Variants in NF1 observed in about 807,000 individuals in gnomAD.
NF1 encodes the protein neurofibromin.
Under a neutral mutation model 325.7 loss-of-function variants are expected in NF1, and 122 were observed. That is an observed-to-expected ratio of 0.37 (90% CI 0.32 to 0.44). The LOEUF is 0.44. Ranked by LOEUF, NF1 falls within the 20% of genes least tolerant of loss-of-function variation. The probability of loss-of-function intolerance (pLI) is 1.00; values close to 1 mark genes in which losing one functional copy is unlikely to be tolerated. For synonymous variants in NF1, 1,091 were observed against 1,186.0 expected (o/e 0.92, Z 1.65); for missense variants, 2,140 against 3,415.4 (o/e 0.63, Z 9.31).
At chr17:31,178,316 G>C (rs2066061376) in intron 5 of NF1, among the ~76,000 whole-genome samples, 3 of 152,182 alleles carry the variant, frequency 2.0e-5, no homozygotes, top group Non-Finnish European at 4.4e-5. Context: ...ACAAGCAAAT[G>C]CTGAGAGATT....
At chr17:31,319,075 A>G in intron 36 of NF1, 1 of 1,514,286 alleles carries the variant, frequency 6.6e-7, no homozygotes, top group Non-Finnish European at 8.8e-7. Flanking sequence ...AATGGATCCT[A>G]GTTTTGGTAA....
intron 4 of NF1, among the ~76,000 whole-genome samples, chr17:31,163,891 AAAAC>A (rs918903046): frequency 4.6e-5 from 7 of 152,242 alleles, no homozygotes; most frequent in Admixed American, 4.6e-4. Context: ...AAACAAAACA[AAAAC>A]AAAAACAAAA....
intron 11 of NF1, among the ~76,000 whole-genome samples, chr17:31,203,506 A>G (rs1009081877): frequency 6.6e-6 from 1 of 152,166 alleles, no homozygotes; most frequent in Admixed American, 6.5e-5. Context: ...GTTTGAGGCT[A>G]ATCGCTATTG....
chr17:31,237,563 C>T (rs1342111811), intron 29 of NF1, among the ~76,000 whole-genome samples: 2 of 152,092 alleles, frequency 1.3e-5, no homozygotes, highest in Non-Finnish European at 2.9e-5. Context: ...AGATGTGAGC[C>T]ACCACGCCTG....
intron 29 of NF1, among the ~76,000 whole-genome samples, chr17:31,236,344 A>G (rs2067203751): frequency 3.3e-5 from 5 of 152,138 alleles, no homozygotes; most frequent in Admixed American, 3.3e-4. Flanking sequence ...ACTTGCATGC[A>G]TACTCTTTTT....
chr17:31,341,664 A>T (rs1330362508), intron 47 of NF1, among the ~76,000 whole-genome samples: 1 of 150,670 alleles, frequency 6.6e-6, no homozygotes, highest in African/African-American at 2.4e-5. Flanking sequence ...TAAGGTTAAT[A>T]AATGTTAGGA....
chr17:31,179,925 C>A (rs2066095989), intron 5 of NF1, among the ~76,000 whole-genome samples: 1 of 152,096 alleles, frequency 6.6e-6, no homozygotes, highest in African/African-American at 2.4e-5. Flanking sequence ...GATATCACCA[C>A]CGATCCCACA....
chr17:31,358,932 C>T (rs2070338211), intron 55 of NF1, 37 bp from the exon 56 acceptor site: 1 of 1,579,664 alleles, frequency 6.3e-7, no homozygotes, highest in Non-Finnish European at 8.7e-7. Flanking sequence ...TAAAAGATAC[C>T]TTGCTTGTTA....
intron 50 of NF1, among the ~76,000 whole-genome samples, chr17:31,351,398 TTTTA>T (rs1341661597): frequency 1.3e-5 from 2 of 152,020 alleles, no homozygotes; most frequent in Non-Finnish European, 2.9e-5. Flanking sequence ...AATGTAAACA[TTTTA>T]TTTATTTTTA....
At chr17:31,263,901 T>G (rs947020185) in intron 35 of NF1, among the ~76,000 whole-genome samples, 6 of 152,152 alleles carry the variant, frequency 3.9e-5, no homozygotes, top group African/African-American at 1.4e-4. Context: ...AATACTTCAC[T>G]TAACGTTTGG....
chr17:31,320,454 T>G, intron 36 of NF1: 1 of 1,607,162 alleles, frequency 6.2e-7, no homozygotes, highest in South Asian at 1.1e-5. Flanking sequence ...TAGTCAGGCT[T>G]TTGAACATCA....
At chr17:31,308,649 T>A (rs2068793538) in intron 36 of NF1, among the ~76,000 whole-genome samples, 1 of 152,110 alleles carries the variant, frequency 6.6e-6, no homozygotes, top group East Asian at 1.9e-4. Flanking sequence ...TTTTTTTATT[T>A]TTCTTCCAGA....
intron 1 of NF1, among the ~76,000 whole-genome samples, chr17:31,127,816 T>C (rs1160646148): frequency 1.3e-5 from 2 of 152,128 alleles, no homozygotes; most frequent in African/African-American, 4.8e-5. Context: ...AGTTGTAGCT[T>C]TGTTTCTTTA....
intron 33 of NF1, among the ~76,000 whole-genome samples, chr17:31,259,421 A>G (rs2067645654): frequency 6.6e-6 from 1 of 152,202 alleles, no homozygotes; most frequent in Admixed American, 6.5e-5. Flanking sequence ...ACAAGGAAGA[A>G]GTAGGATTCT....
chr17:31,220,233 C>T (rs946408588), intron 14 of NF1, among the ~76,000 whole-genome samples: 1 of 152,062 alleles, frequency 6.6e-6, no homozygotes, highest in African/African-American at 2.4e-5. Flanking sequence ...TTGTAGCCAT[C>T]CTAATGTACA....
intron 40 of NF1, among the ~76,000 whole-genome samples, chr17:31,335,532 A>C (rs1359750164): frequency 2.0e-5 from 3 of 151,532 alleles, no homozygotes; most frequent in Non-Finnish European, 4.4e-5. Context: ...ATCTGACAAG[A>C]ATTAGGCATA....
intron 1 of NF1, among the ~76,000 whole-genome samples, chr17:31,145,277 C>T (rs1234891074): frequency 6.6e-6 from 1 of 152,204 alleles, no homozygotes; most frequent in Non-Finnish European, 1.5e-5. Flanking sequence ...AATGCAACCT[C>T]CGCCTCCCGG....
At chr17:31,197,281 C>T (rs1482875645) in intron 8 of NF1, among the ~76,000 whole-genome samples, 15 of 149,658 alleles carry the variant, frequency 1.0e-4, no homozygotes, top group South Asian at 8.4e-4. Flanking sequence ...CTCCTGACCT[C>T]GTGATCTGCC....
At chr17:31,252,842 CATTTTATGGTGTA>C in intron 30 of NF1, 83 bp from the exon 31 acceptor site, 1 of 955,852 alleles carries the variant, frequency 1.0e-6, no homozygotes, top group Non-Finnish European at 1.7e-6. Context: ...ATTTGTGTTA[CATTTTATGGTGTA>C]ATTTTATGTA....
Sources: allele counts gnomAD v4.1 joint callset (sites outside exome capture counted in the v4.1 genomes callset), GRCh38; gene constraint gnomAD v4.1.1; transcripts MANE v1.5; gene names NCBI Gene and HGNC (gene_info 2026-07-23, HGNC 2026-07-21).